MOGAT1: variants seen among roughly 807,000 people sequenced by gnomAD.
MOGAT1 encodes the protein monoacylglycerol O-acyltransferase 1.
Under a neutral mutation model 31.4 loss-of-function variants are expected in MOGAT1, and 32 were observed. The ratio of observed to expected loss-of-function variants is 1.02; its 90% CI spans 0.77 to 1.37. The LOEUF (loss-of-function observed/expected upper bound fraction) is 1.37. MOGAT1 is among the 40% of genes most tolerant of loss of function. The pLI is 0.00. For synonymous variants in MOGAT1, 145 were observed against 144.5 expected (o/e 1.00, Z -0.03); for missense variants, 426 against 402.0 (o/e 1.06, Z -0.51).
intron 1 of MOGAT1, among the ~76,000 whole-genome samples, chr2:222,681,859 G>GA (rs1375374004): frequency 9.9e-5 from 15 of 152,164 alleles, no homozygotes; most frequent in Admixed American, 7.9e-4. Context: ...CACCCCTGTT[G>GA]ATCAGGAAAT....
intron 1 of MOGAT1, among the ~76,000 whole-genome samples, chr2:222,675,162 G>A (rs1193341520): frequency 1.3e-5 from 2 of 152,222 alleles, no homozygotes; most frequent in Admixed American, 6.5e-5. Context: ...TTCTTTGCAG[G>A]GTTAACTTGT....
At chr2:222,688,230 C>G (rs769505252) in intron 1 of MOGAT1, 114 bp from the exon 2 acceptor site, 13 of 729,878 alleles carry the variant, frequency 1.8e-5, no homozygotes, top group African/African-American at 5.4e-5. Context: ...ATTACCTTAC[C>G]TGAACTGAGG....
chr2:222,696,853 A>G (rs1319614821), intron 5 of MOGAT1, among the ~76,000 whole-genome samples: 3 of 152,108 alleles, frequency 2.0e-5, no homozygotes, highest in East Asian at 1.9e-4. Context: ...CAGACTGGCA[A>G]CAAAGCTGGA....
chr2:222,703,403 T>C lies in MOGAT1; in HGVS notation c.854-6333T>C, dbSNP rs6716073. On this transcript the variant is annotated intron_variant, in intron 5 of 5. Transcript: ENST00000446656. ...ACCTGAGGGTTTTTTTGTTTGTTTG[T>C]TTTGTTTTTTGTTTGTTTGTTTGTT... Among the ~76,000 whole-genome samples, 1,328 of 152,174 alleles carry C rather than the reference T, an allele frequency of 8.7e-3. 20 individuals carry two copies. Among genetic ancestry groups the C allele is most frequent in the African/African-American group, 0.03 (1,264 of 41,514 alleles).
At chr2:222,708,923 G>A (rs1214369722) in intron 5 of MOGAT1, among the ~76,000 whole-genome samples, 2 of 152,110 alleles carry the variant, frequency 1.3e-5, no homozygotes, top group East Asian at 1.9e-4. Flanking sequence ...CTATTGAGAC[G>A]TTAGCTGTTT....
At chr2:222,686,684 G>C (rs1403128133) in intron 1 of MOGAT1, among the ~76,000 whole-genome samples, 1 of 152,200 alleles carries the variant, frequency 6.6e-6, no homozygotes, top group African/African-American at 2.4e-5. Flanking sequence ...CCCCACAGAG[G>C]TGTGGAGGAC....
At chr2:222,691,441 T>C (rs1692760928) in intron 3 of MOGAT1, among the ~76,000 whole-genome samples, 1 of 152,134 alleles carries the variant, frequency 6.6e-6, no homozygotes, top group African/African-American at 2.4e-5. Context: ...ACTCCTGACC[T>C]CAGGTGATCC....
intron 3 of MOGAT1, among the ~76,000 whole-genome samples, chr2:222,690,141 A>G (rs566046019): frequency 1.5e-4 from 23 of 152,184 alleles, no homozygotes; most frequent in Non-Finnish European, 2.5e-4. Flanking sequence ...TGTAGTCCCA[A>G]CTACTCAGGA....
In MOGAT1 at chr2:222,688,438, TA is replaced by T; in HGVS notation, c.190del (p.Thr64ProfsTer50). On this transcript the variant is annotated frameshift_variant, in exon 2 of 6. Transcript: ENST00000446656. LOFTEE classifies it high-confidence loss of function. ...TGATGTGGCTTTACTTTGACTGGCA[TA>T]CCCCAGAGCGAGGAGGCAGGAGATC... ...YLMWLYFDWH[T>X]PERGGRRSSW... 6.2e-7 allele frequency: 1 copy of T among 1,613,870 alleles called. No individual in the cohort carries two copies. Among genetic ancestry groups the T allele is most frequent in the Non-Finnish European group, 8.5e-7 (1 of 1,179,824 alleles).
intron 3 of MOGAT1, 42 bp from the exon 4 acceptor site, chr2:222,694,320 T>C (rs1395065214): frequency 6.7e-7 from 1 of 1,498,968 alleles, no homozygotes; most frequent in South Asian, 1.3e-5. Context: ...TGTAATATTG[T>C]TAGAAAAGGA....
At chr2:222,693,529 A>T (rs1163561061) in intron 3 of MOGAT1, among the ~76,000 whole-genome samples, 1 of 151,752 alleles carries the variant, frequency 6.6e-6, no homozygotes, top group Non-Finnish European at 1.5e-5. Flanking sequence ...GACTGGGAAG[A>T]AAAAGAGGTT....
intron 1 of MOGAT1, chr2:222,677,691 G>A: frequency 2.4e-6 from 1 of 422,650 alleles, no homozygotes; most frequent in Non-Finnish European, 4.7e-6. Flanking sequence ...TGACACAGTA[G>A]CAGCCTTTCT....
At chr2:222,695,862 C>A (rs538619759) in intron 5 of MOGAT1, among the ~76,000 whole-genome samples, 1 of 152,230 alleles carries the variant, frequency 6.6e-6, no homozygotes, top group Non-Finnish European at 1.5e-5. Context: ...GTGCACCCAT[C>A]ACTGGAGCAG....
intron 3 of MOGAT1, among the ~76,000 whole-genome samples, chr2:222,690,240 G>C (rs1692736560): frequency 6.6e-6 from 1 of 152,190 alleles, no homozygotes; most frequent in Admixed American, 6.6e-5. Flanking sequence ...GGGTGACAGA[G>C]AGAGACCCAA....
At chr2:222,709,016 T>C (rs1222854127) in intron 5 of MOGAT1, among the ~76,000 whole-genome samples, 1 of 152,210 alleles carries the variant, frequency 6.6e-6, no homozygotes, top group Non-Finnish European at 1.5e-5. Flanking sequence ...TGTGAAGATA[T>C]GTATTTTTTA....
At chr2:222,705,431 T>A (rs1454671295) in intron 5 of MOGAT1, among the ~76,000 whole-genome samples, 2 of 152,156 alleles carry the variant, frequency 1.3e-5, no homozygotes, top group Non-Finnish European at 2.9e-5. Context: ...AGGGCTAGGA[T>A]TTGAAGCAAG....
chr2:222,707,324 A>T (rs1183825893), intron 5 of MOGAT1, among the ~76,000 whole-genome samples: 1 of 146,488 alleles, frequency 6.8e-6, no homozygotes, highest in Non-Finnish European at 1.5e-5. Flanking sequence ...GGAAGGAAGG[A>T]GAAAGAAAGA....
chr2:222,705,621 C>T lies in MOGAT1; in HGVS notation c.854-4115C>T, dbSNP rs568500481. 5.3e-5 allele frequency among the ~76,000 whole-genome samples: 8 copies of T among 152,182 alleles called. No homozygotes were observed. In the South Asian group the frequency reaches 8.3e-4, roughly 16 times the overall value. On this transcript the variant is annotated intron_variant, in intron 5 of 5. Transcript: ENST00000446656. ...GTTTTATATTTCTGACACCGTCATT[C>T]GGGTTTGTGGTGTTTTTCCATGGGC...
At chr2:222,679,702 A>T (rs917737035) in intron 1 of MOGAT1, among the ~76,000 whole-genome samples, 2 of 152,240 alleles carry the variant, frequency 1.3e-5, no homozygotes, top group Non-Finnish European at 2.9e-5. Flanking sequence ...TTAAACAGAA[A>T]TTATGAGCAG....
Sources: allele counts gnomAD v4.1 joint callset (sites outside exome capture counted in the v4.1 genomes callset), GRCh38; gene constraint gnomAD v4.1.1; transcripts MANE v1.5; gene names NCBI Gene and HGNC (gene_info 2026-07-23, HGNC 2026-07-21).